The following ZNF350 variants were observed in gnomAD, a reference collection of about 807,000 sequenced individuals.
ZNF350 encodes KRAB zinc finger protein ZFQR.
In ZNF350, 5 loss-of-function variants were observed where a neutral mutation model predicts 13.1. That is an observed-to-expected ratio of 0.38 (90% CI 0.20 to 0.80). ZNF350 has a LOEUF of 0.80. Ranked by LOEUF, ZNF350 falls within the 30% of genes least tolerant of loss-of-function variation. The probability of loss-of-function intolerance (pLI) is 0.43; values close to 1 mark genes in which losing one functional copy is unlikely to be tolerated. For missense variants in ZNF350, 534 were observed against 644.2 expected, an observed-to-expected ratio of 0.83 and a Z score of 1.85; for synonymous variants, 199 against 224.2, an observed-to-expected ratio of 0.89 and a Z score of 1.00.
At chr19:51,981,396 G>A (rs11669564) in intron 1 of ZNF350, 55,614 of 151,760 alleles carry the variant, frequency 0.37, 11,588 homozygotes, top group African/African-American at 0.57. Context: ...TTATTCCCAC[G>A]TTCACCCCCA....
intron 4 of ZNF350, 168 bp downstream of exon 4, chr19:51,968,410 G>GTT (rs142306487): frequency 1.4e-5 from 9 of 624,788 alleles, no homozygotes; most frequent in South Asian, 5.7e-5. Context: ...GTTTTGTTTT[G>GTT]TTTTTTTTTA....
chr19:51,967,418 T>A (rs2085611332), intron 4 of ZNF350: 4 of 151,644 alleles, frequency 2.6e-5, no homozygotes, highest in Admixed American at 2.6e-4. Flanking sequence ...AAAAAATAAA[T>A]TAATAAAAAT....
At chr19:51,968,710 A>C in intron 3 of ZNF350, 37 bp from the exon 4 acceptor site, 1 of 1,593,622 alleles carries the variant, frequency 6.3e-7, no homozygotes, top group East Asian at 2.2e-5. Flanking sequence ...TAGACATATC[A>C]AATTGGGCTG....
intron 1 of ZNF350, among the ~76,000 whole-genome samples, chr19:51,980,314 A>G (rs1270763169): frequency 6.6e-6 from 1 of 152,156 alleles, no homozygotes; most frequent in Non-Finnish European, 1.5e-5. Context: ...CCTGCTTTGC[A>G]TTTTTGTAAC....
chr19:51,982,314 T>A (rs1401286008), intron 1 of ZNF350, among the ~76,000 whole-genome samples: 1 of 151,926 alleles, frequency 6.6e-6, no homozygotes, highest in East Asian at 1.9e-4. Flanking sequence ...CACGGTTTGT[T>A]CCCTTTTGAC....
chr19:51,965,702 C>G lies in ZNF350; in HGVS notation c.751G>C (p.Glu251Gln). The G allele has an allele frequency of 6.2e-7, 1 of 1,614,172 alleles. No individual in the cohort carries two copies. The highest frequency in any genetic ancestry group is 8.5e-7 in the Non-Finnish European group (1 of 1,180,040). The change falls in exon 5 of 5, where the codon GAA (glutamate) becomes CAA (glutamine). Residue 251 changes from glutamate (E) to glutamine (Q), a missense_variant. By Grantham distance (29) the Glu-to-Gln change is conservative (BLOSUM62 2). Coordinates refer to ENST00000243644, the MANE Select transcript of ZNF350 (RefSeq NM_021632.4). ...KAFSRKFMLT[E>Q]HQRTHTGEKP... The stretch of plus-strand genomic sequence containing the variant: ...TCTCCTGTATGAGTTCGCTGATGTT[C>G]AGTAAGCATGAACTTTCTGGAGAAG...
At chr19:51,970,588 GCCT>G (rs2085710392) in intron 2 of ZNF350, among the ~76,000 whole-genome samples, 1 of 152,132 alleles carries the variant, frequency 6.6e-6, no homozygotes, top group Middle Eastern at 3.4e-3. Flanking sequence ...ACAAATCCAG[GCCT>G]CCTATTTTTC....
intron 2 of ZNF350, chr19:51,974,060 T>C (rs1489213778): frequency 2.1e-5 from 6 of 280,426 alleles, no homozygotes; most frequent in Non-Finnish European, 4.0e-5. Context: ...TCTTGTGACA[T>C]TGGCTGTCAG....
Position 51,966,021 on chromosome 19 carries a change from G to T in ZNF350, c.432C>A (p.Asn144Lys). ...KSLKSNLTLV[N>K]QSKGYEIKNS... is the part of the protein sequence containing the mutation. ...TCTTTATTTCATAGCCTTTGCTCTG[G>T]TTAACTAAAGTTAAATTGGATTTCA... Residue 144 changes from asparagine to lysine, a missense_variant, in exon 5 of 5, where the codon AAC becomes AAA. By Grantham distance (94) the Asn-to-Lys change is moderately conservative. Coordinates refer to ENST00000243644, the MANE Select transcript of ZNF350 (RefSeq NM_021632.4). 6.2e-7 allele frequency: 1 copy of T among 1,613,982 alleles called. No homozygotes were observed. Among genetic ancestry groups the T allele is most frequent in the Non-Finnish European group, 8.5e-7 (1 of 1,179,988 alleles).
At chr19:51,983,590 T>C (rs1478684662) in intron 1 of ZNF350, among the ~76,000 whole-genome samples, 3 of 152,166 alleles carry the variant, frequency 2.0e-5, no homozygotes, top group African/African-American at 7.2e-5. Flanking sequence ...CACTAAGATG[T>C]CTGTGTAAAG....
intron 1 of ZNF350, among the ~76,000 whole-genome samples, chr19:51,980,090 C>T (rs116909547): frequency 0.019 from 2,834 of 152,324 alleles, 44 homozygotes; most frequent in Admixed American, 0.021. Context: ...ACTCAGTTTA[C>T]AGTTTGTGTT....
At position 51,974,362 on chromosome 19, in the gene ZNF350, T is replaced by C; in HGVS notation, c.-2A>G. On this transcript the variant is annotated 5_prime_UTR_variant, in exon 2 of 5. Coordinates refer to ENST00000243644, the MANE Select transcript of ZNF350 (RefSeq NM_021632.4). ...GTCAGTTACCTGGGCCTGGATCATT[T>C]TCTTCTGTTCTTGGAAGACAGCATT... is the stretch of plus-strand genomic sequence containing the variant. 6.2e-7 allele frequency: 1 copy of C among 1,613,918 alleles called. No homozygotes were observed. Among genetic ancestry groups the C allele is most frequent in the Non-Finnish European group, 8.5e-7 (1 of 1,179,884 alleles).
At position 51,965,005 on chromosome 19, in the gene ZNF350, T is replaced by C. The variant is rs373493421; in HGVS notation, c.1448A>G (p.Asn483Ser). The change falls in exon 5 of 5, where the codon AAC (asparagine) becomes AGC (serine). Residue 483 changes from asparagine to serine, a missense_variant. Coordinates refer to ENST00000243644, the MANE Select transcript of ZNF350 (RefSeq NM_021632.4). ...LNISGLLANRNVVLVGQPVVR... is the reference protein window; with the variant it reads ...LNISGLLANRSVVLVGQPVVR... ...CACTGGCTGTCCCACAAGGACTACGTTCCTGTTTGCGAGGAGGCCGCTGAT... is the reference window on the plus strand; with the variant it reads ...CACTGGCTGTCCCACAAGGACTACGCTCCTGTTTGCGAGGAGGCCGCTGAT... 6.2e-7 allele frequency: 1 copy of C among 1,614,102 alleles called. No homozygotes were observed. The highest frequency in any genetic ancestry group is 1.3e-5 in the African/African-American group (1 of 74,928).
chr19:51,977,808 C>T (rs2085936827), intron 1 of ZNF350, among the ~76,000 whole-genome samples: 1 of 152,200 alleles, frequency 6.6e-6, no homozygotes, highest in African/African-American at 2.4e-5. Context: ...GGGAAATTTT[C>T]TCAGAGCTTG....
chr19:51,971,478 A>G (rs1260216964), intron 2 of ZNF350, among the ~76,000 whole-genome samples: 4 of 152,218 alleles, frequency 2.6e-5, no homozygotes, highest in Non-Finnish European at 5.9e-5. Flanking sequence ...ACTGGAGGCT[A>G]TATGATCAAA....
intron 1 of ZNF350, among the ~76,000 whole-genome samples, chr19:51,986,147 G>A (rs902331064): frequency 1.3e-5 from 2 of 152,164 alleles, no homozygotes; most frequent in African/African-American, 4.8e-5. Flanking sequence ...TAATCGGAGG[G>A]TATGACTGAA....
In ZNF350 at chr19:51,964,391, C is replaced by T. The variant is rs1456027548; in HGVS notation, c.*463G>A. On this transcript the variant is annotated 3_prime_UTR_variant, in exon 5 of 5. Coordinates refer to ENST00000243644, the MANE Select transcript of ZNF350 (RefSeq NM_021632.4). The stretch of plus-strand genomic sequence containing the variant: ...ACAAATTGACTAGTTTCACAGATCC[C>T]TCTGCATAATACAAAGTTCTGAAAG... The T allele has an allele frequency of 6.4e-6, 1 of 157,478 alleles. No individual in the cohort carries two copies. Among genetic ancestry groups the T allele is most frequent in the East Asian group, 1.9e-4 (1 of 5,340 alleles). 9.8% of individuals were successfully genotyped at this position (157,478 alleles called of 1,614,324 possible). A position where few individuals can be genotyped will look rare whatever the true frequency, so the allele number is the denominator to read the frequency against.
intron 1 of ZNF350, among the ~76,000 whole-genome samples, chr19:51,978,340 A>G (rs2085949556): frequency 6.6e-6 from 1 of 152,216 alleles, no homozygotes; most frequent in African/African-American, 2.4e-5. Flanking sequence ...GACAGGATAC[A>G]CAGGACTAAT....
intron 1 of ZNF350, among the ~76,000 whole-genome samples, chr19:51,977,159 A>T (rs1182107469): frequency 6.6e-6 from 1 of 152,144 alleles, no homozygotes; most frequent in Non-Finnish European, 1.5e-5. Context: ...CCCTTAGGAC[A>T]TTGTGCTTTT....
Sources: allele counts gnomAD v4.1 joint callset (sites outside exome capture counted in the v4.1 genomes callset), GRCh38; gene constraint gnomAD v4.1.1; transcripts MANE v1.5; gene names NCBI Gene and HGNC (gene_info 2026-07-23, HGNC 2026-07-21).